The following FCHSD2 variants were observed in gnomAD, a reference collection of about 807,000 sequenced individuals.
The protein encoded by FCHSD2 is FCH and double SH3 domains 2.
In FCHSD2, 38 loss-of-function variants were observed where a neutral mutation model predicts 108.1. That is an observed-to-expected ratio of 0.35 (90% CI 0.27 to 0.46). The LOEUF is 0.46. Among genes scored for constraint, FCHSD2 ranks in the 20% least tolerant of loss-of-function variants. The probability of loss-of-function intolerance (pLI) is 1.00; values close to 1 mark genes in which losing one functional copy is unlikely to be tolerated. For missense variants in FCHSD2, 751 were observed against 897.8 expected (o/e 0.84, Z 2.09); for synonymous variants, 279 against 314.7 (o/e 0.89, Z 1.20).
intron 2 of FCHSD2, among the ~76,000 whole-genome samples, chr11:73,100,084 C>T (rs962050155): frequency 6.6e-6 from 1 of 152,202 alleles, no homozygotes; most frequent in Non-Finnish European, 1.5e-5. Flanking sequence ...CTTCCGCTTC[C>T]TACAGTGGCT....
At chr11:72,928,968 C>T (rs903931634) in intron 8 of FCHSD2, among the ~76,000 whole-genome samples, 6 of 151,296 alleles carry the variant, frequency 4.0e-5, no homozygotes, top group Non-Finnish European at 8.8e-5. Context: ...TGAGAACATG[C>T]GGTGTTTGGT....
intron 9 of FCHSD2, among the ~76,000 whole-genome samples, chr11:72,908,679 T>C (rs774494191): frequency 1.3e-5 from 2 of 152,240 alleles, no homozygotes; most frequent in African/African-American, 2.4e-5. Context: ...CACTTATTTT[T>C]ATCATTATTT....
intron 11 of FCHSD2, among the ~76,000 whole-genome samples, chr11:72,888,564 A>G (rs1218312261): frequency 2.0e-5 from 3 of 152,092 alleles, no homozygotes; most frequent in African/African-American, 7.2e-5. Context: ...TATACTCCAA[A>G]TAATTTCTTT....
chr11:72,953,358 A>G (rs1856652669), intron 8 of FCHSD2, among the ~76,000 whole-genome samples: 1 of 152,170 alleles, frequency 6.6e-6, no homozygotes, highest in Non-Finnish European at 1.5e-5. Flanking sequence ...AAAATCTTTA[A>G]TCTCTAATTC....
At chr11:73,111,938 A>T (rs1178824256) in intron 2 of FCHSD2, among the ~76,000 whole-genome samples, 1 of 152,154 alleles carries the variant, frequency 6.6e-6, no homozygotes, top group Admixed American at 6.5e-5. Flanking sequence ...TATTTATATC[A>T]TATTATACTG....
At chr11:72,941,238 T>C in intron 8 of FCHSD2, 1 of 228,112 alleles carries the variant, frequency 4.4e-6, no homozygotes, top group Non-Finnish European at 8.7e-6. Flanking sequence ...TTGTTCACTA[T>C]GTGTCCCCAG....
intron 13 of FCHSD2, among the ~76,000 whole-genome samples, chr11:72,850,162 C>A (rs1861246742): frequency 6.9e-6 from 1 of 144,932 alleles, no homozygotes; most frequent in Non-Finnish European, 1.5e-5. Flanking sequence ...CTCCCAGGTT[C>A]AAGAATTCTC....
intron 2 of FCHSD2, among the ~76,000 whole-genome samples, chr11:73,092,006 G>A (rs961078270): frequency 4.6e-5 from 7 of 152,144 alleles, no homozygotes; most frequent in Admixed American, 2.0e-4. Flanking sequence ...CTGCACTCCA[G>A]CCTGGGCGAC....
rs141423275 is a variant in FCHSD2 at position 73,001,122 on chromosome 11, G to A, written c.255C>T (p.Pro85=). The A allele has an allele frequency of 1.1e-4, 179 of 1,612,798 alleles. No homozygotes were observed. Among genetic ancestry groups the A allele is most frequent in the Non-Finnish European group, 1.4e-4 (170 of 1,179,534 alleles). Residue 85 remains proline (P), a synonymous_variant, in exon 5 of 20, where the codon CCC becomes CCT. Coordinates refer to ENST00000409418, the MANE Select transcript of FCHSD2 (RefSeq NM_014824.3). ...DDRNDYRSMY[P]VWKSFLEGTM... is the part of the protein sequence containing the mutation. ...TTCCCTCGAGAAAAGATTTCCAAAC[G>A]GGATACATGCTCCTAAATTCAAAGA...
chr11:72,993,668 A>G (rs1429542129), intron 5 of FCHSD2, among the ~76,000 whole-genome samples: 1 of 151,362 alleles, frequency 6.6e-6, no homozygotes, highest in African/African-American at 2.4e-5. Flanking sequence ...ACAAAAAACC[A>G]AACACCGCAT....
At chr11:72,973,804 C>G (rs1591448006) in intron 8 of FCHSD2, among the ~76,000 whole-genome samples, 1 of 152,328 alleles carries the variant, frequency 6.6e-6, no homozygotes, top group South Asian at 2.1e-4. Flanking sequence ...AAATCCAGCC[C>G]ATCATCCAGC....
At chr11:72,989,734 C>T (rs10898894) in intron 5 of FCHSD2, among the ~76,000 whole-genome samples, 64,174 of 152,004 alleles carry the variant, frequency 0.42, 14,295 homozygotes, top group South Asian at 0.64. Context: ...TATAACACAC[C>T]GGGGCCAAGC....
intron 13 of FCHSD2, among the ~76,000 whole-genome samples, chr11:72,855,994 A>C (rs1341725220): frequency 6.6e-6 from 1 of 152,218 alleles, no homozygotes; most frequent in African/African-American, 2.4e-5. Flanking sequence ...CGCTACACCC[A>C]AGCACTTATT....
rs546280300 is a variant in FCHSD2 at position 72,954,102 on chromosome 11, G to T, written c.705+29986C>A. On this transcript the variant is annotated intron_variant, in intron 8 of 19. Transcript: ENST00000409418. ...GAGAATAGACATAAAGGTAGGGGTG[G>T]GAGTAGAAAGCCAATTAGAAGAATC... Among the ~76,000 whole-genome samples the T allele has an allele frequency of 4.6e-5, 7 of 152,146 alleles. No homozygotes were observed. In the East Asian group the frequency reaches 1.4e-3, roughly 29 times the overall value.
intron 12 of FCHSD2, among the ~76,000 whole-genome samples, chr11:72,884,323 G>A (rs898505184): frequency 6.6e-6 from 1 of 151,842 alleles, no homozygotes; most frequent in African/African-American, 2.4e-5. Context: ...GGAAATACAT[G>A]TTTATTCTTC....
chr11:72,922,935 TG>T (rs1315604906), intron 8 of FCHSD2, among the ~76,000 whole-genome samples: 6 of 152,164 alleles, frequency 3.9e-5, no homozygotes, highest in Non-Finnish European at 8.8e-5. Context: ...ACCTGTTAAG[TG>T]GTCATTCTCC....
At chr11:72,952,883 T>C (rs1382825101) in intron 8 of FCHSD2, among the ~76,000 whole-genome samples, 2 of 152,188 alleles carry the variant, frequency 1.3e-5, no homozygotes, top group Non-Finnish European at 2.9e-5. Flanking sequence ...AGCCTACTCC[T>C]GGAGGGAGGC....
intron 8 of FCHSD2, among the ~76,000 whole-genome samples, chr11:72,944,667 A>G (rs960978221): frequency 1.3e-5 from 2 of 152,184 alleles, no homozygotes; most frequent in Non-Finnish European, 2.9e-5. Flanking sequence ...TCTCAGCTCA[A>G]AATCTCCTTA....
chr11:73,091,318 C>T (rs977578841), intron 2 of FCHSD2, among the ~76,000 whole-genome samples: 3 of 151,958 alleles, frequency 2.0e-5, no homozygotes, highest in African/African-American at 7.3e-5. Flanking sequence ...GCGGGCAGAT[C>T]ACTTGAGGTC....
Sources: gnomAD v4.1 joint callset for allele counts (sites outside exome capture counted in the v4.1 genomes callset) on GRCh38, gnomAD v4.1.1 for gene constraint, MANE v1.5 for transcripts, NCBI Gene and HGNC (gene_info 2026-07-23, HGNC 2026-07-21) for gene names.